The following DSTYK variants were observed in gnomAD, a reference collection of about 807,000 sequenced individuals.
DSTYK encodes RIP-homologous kinase.
Under a neutral mutation model 98.7 loss-of-function variants are expected in DSTYK, and 34 were observed. The observed-to-expected ratio is 0.34, with a 90% CI of 0.26 to 0.46. DSTYK has a LOEUF of 0.46. DSTYK is among the 20% of genes least tolerant of loss of function. DSTYK has a pLI of 1.00. For synonymous variants in DSTYK, 462 were observed against 457.3 expected (o/e 1.01, Z -0.13); for missense variants, 962 against 1,181.7 (o/e 0.81, Z 2.73).
At chr1:205,148,675 G>A (rs910527512) in intron 11 of DSTYK, among the ~76,000 whole-genome samples, 4 of 152,168 alleles carry the variant, frequency 2.6e-5, no homozygotes, top group Admixed American at 1.3e-4. Flanking sequence ...ATACAGGTGG[G>A]TAGGTATGTT....
intron 10 of DSTYK, among the ~76,000 whole-genome samples, chr1:205,154,054 C>T (rs1287584159): frequency 2.5e-5 from 2 of 78,450 alleles, no homozygotes; most frequent in Non-Finnish European, 6.2e-5. Flanking sequence ...AAAGTATGCA[C>T]ACGTGTGTGT....
intron 2 of DSTYK, among the ~76,000 whole-genome samples, chr1:205,170,933 G>T (rs1401865904): frequency 6.6e-6 from 1 of 151,368 alleles, no homozygotes; most frequent in Admixed American, 6.6e-5. Context: ...CACTAAAGAT[G>T]ATGACACCAA....
In DSTYK at chr1:205,150,302, T is replaced by C. The variant is rs560642682; in HGVS notation, c.2467+378A>G. Among the ~76,000 whole-genome samples, 51 of 152,286 alleles carry C rather than the reference T, an allele frequency of 3.3e-4. No individual in the cohort carries two copies. Among genetic ancestry groups the C allele is most frequent in the African/African-American group, 1.2e-3 (50 of 41,550 alleles). The stretch of plus-strand genomic sequence containing the variant: ...ATTTAGCACTTAATCATACGTTGTG[T>C]TGTACTGCTTCCTATTTTACCTCTT... On this transcript the variant is annotated intron_variant, in intron 11 of 12. Transcript: ENST00000367162. The surrounding 1 kb of genome is among the most constrained non-coding windows in gnomAD (Gnocchi z 4.1).
rs926614361 is a variant in DSTYK, at chr1:205,169,389, G to A, written c.1098C>T (p.His366=). Reference sequence around the variant, plus strand: ...TAATAAAGATGTCAAGGCAGTGGCAGTGCACCAGGTTCAGGGCCTTGGCTG... The same window carrying A: ...TAATAAAGATGTCAAGGCAGTGGCAATGCACCAGGTTCAGGGCCTTGGCTG... ...VDAAKALNLV[H]CHCLDIFINQ... is the part of the protein sequence containing the mutation. Residue 366 remains histidine (H), a synonymous_variant, in exon 3 of 13, where the codon CAC becomes CAT. Coordinates refer to ENST00000367162, the MANE Select transcript of DSTYK (RefSeq NM_015375.3). This position sits in a 1 kb window ranked among gnomAD's most constrained non-coding sequence, Gnocchi z 4.0. 3 of 1,614,080 alleles carry A rather than the reference G, an allele frequency of 1.9e-6. No individual in the cohort carries two copies. Among genetic ancestry groups the A allele is most frequent in the Middle Eastern group, 1.6e-4 (1 of 6,084 alleles).
chr1:205,207,755 CAAAAAAAAAAAAAAAAAAAAAAAAAAAAA>C (rs766036213), intron 1 of DSTYK, among the ~76,000 whole-genome samples: 1 of 52,728 alleles, frequency 1.9e-5, no homozygotes, highest in Non-Finnish European at 3.1e-5. Context: ...GACTCTGTCT[CAAAAAAAAAAAAAAAAAAAAAAAAAAAAA>C]AAAAAAAAAG....
intron 1 of DSTYK, chr1:205,202,557 T>C (rs1659074040): frequency 1.0e-6 from 1 of 956,568 alleles, no homozygotes; most frequent in Non-Finnish European, 1.7e-6. Flanking sequence ...ACAAAGCACC[T>C]AAGATGCGCC....
intron 1 of DSTYK, among the ~76,000 whole-genome samples, chr1:205,190,656 C>G (rs1322939860): frequency 6.7e-6 from 1 of 149,836 alleles, no homozygotes; most frequent in East Asian, 2.0e-4. Context: ...TAGGACCCTT[C>G]CATTCATCTT....
At chr1:205,198,991 T>C (rs1053977641) in intron 1 of DSTYK, among the ~76,000 whole-genome samples, 13 of 152,116 alleles carry the variant, frequency 8.5e-5, no homozygotes, top group African/African-American at 3.1e-4. Context: ...GAAACTAAAG[T>C]TAGACACTTT....
intron 1 of DSTYK, among the ~76,000 whole-genome samples, chr1:205,206,631 G>A (rs1659212010): frequency 7.2e-6 from 1 of 139,168 alleles, no homozygotes; most frequent in African/African-American, 2.7e-5. Flanking sequence ...CGCCCAGGCT[G>A]GAGCACAGTG....
rs370760844 is a variant in DSTYK at position 205,169,555 on chromosome 1, C to G, written c.932G>C (p.Gly311Ala). 1 of 1,614,046 alleles carries G rather than the reference C, an allele frequency of 6.2e-7. No individual in the cohort carries two copies. Among genetic ancestry groups the G allele is most frequent in the Non-Finnish European group, 8.5e-7 (1 of 1,180,034 alleles). The change falls in exon 3 of 13, where the codon GGC becomes GCC. Residue 311 changes from glycine (G) to alanine (A), a missense_variant. Physicochemically the swap from Gly to Ala is moderately conservative, Grantham distance 60 (BLOSUM62 0). Around this residue, in one of 4 missense-constraint regions of DSTYK, gnomAD observed 660 missense variants for 855.0 expected, o/e 0.77. Coordinates refer to ENST00000367162, the MANE Select transcript of DSTYK (RefSeq NM_015375.3). The surrounding 1 kb of genome is among the most constrained non-coding windows in gnomAD (Gnocchi z 4.0). ...GTTCCAGTGACTGCTGCTCAGATAGCCCAGGTCAATTAGCTGGCGATAAAG... is the reference window on the plus strand; with the variant it reads ...GTTCCAGTGACTGCTGCTCAGATAGGCCAGGTCAATTAGCTGGCGATAAAG... Reference protein sequence around the residue: ...SPLYRQLIDLGYLSSSHWNCG... With the variant: ...SPLYRQLIDLAYLSSSHWNCG...
rs989962497 is a variant in DSTYK, at chr1:205,207,786, A to G, written c.265+3485T>C. 7.0e-5 allele frequency among the ~76,000 whole-genome samples: 10 copies of G among 143,420 alleles called. 1 individual carries two copies. The highest frequency in any genetic ancestry group is 2.0e-4 in the East Asian group (1 of 4,908). The allele number at this position is 143,420 out of a possible 152,430, so 94.1% of individuals were successfully genotyped here. On this transcript the variant is annotated intron_variant, in intron 1 of 12. Transcript: ENST00000367162. ...AAAAAAAAAAAAAAAAAAAAAAAAAAAAAAAAAGAAAAAAAATACTTTTCC... is the reference window on the plus strand; with the variant it reads ...AAAAAAAAAAAAAAAAAAAAAAAAAGAAAAAAAGAAAAAAAATACTTTTCC...
Position 205,159,647 on chromosome 1 carries a change from A to G in DSTYK, c.2138T>C (p.Leu713Pro). ...SLPKHERLVD[L>P]HGSVIDYNYG... ...GTTGTAGTCAATGACTGAACCATGGAGATCCACCAATCGCTCATGCTTCGG... is the reference window on the plus strand; with the variant it reads ...GTTGTAGTCAATGACTGAACCATGGGGATCCACCAATCGCTCATGCTTCGG... Residue 713 changes from leucine (L) to proline (P), a missense_variant, in exon 9 of 13, where the codon CTC (leucine) becomes CCC (proline). Coordinates refer to ENST00000367162, the MANE Select transcript of DSTYK (RefSeq NM_015375.3). The G allele has an allele frequency of 6.2e-7, 1 of 1,613,792 alleles. No homozygotes were observed. Among genetic ancestry groups the G allele is most frequent in the Non-Finnish European group, 8.5e-7 (1 of 1,179,986 alleles).
At chr1:205,155,765 T>A (rs1657540737) in intron 10 of DSTYK, among the ~76,000 whole-genome samples, 1 of 152,164 alleles carries the variant, frequency 6.6e-6, no homozygotes, top group South Asian at 2.1e-4. Flanking sequence ...GAGCTGAATA[T>A]TAACCAGCAA....
chr1:205,200,323 C>A (rs1314911248), intron 1 of DSTYK, among the ~76,000 whole-genome samples: 1 of 148,810 alleles, frequency 6.7e-6, no homozygotes, highest in East Asian at 2.0e-4. Flanking sequence ...TAGGCATGAG[C>A]TACCACACCC....
rs1406185848 is a variant in DSTYK at position 205,187,666 on chromosome 1, C to G, written c.406G>C (p.Val136Leu). 2 of 1,614,066 alleles carry G rather than the reference C, an allele frequency of 1.2e-6. No individual in the cohort carries two copies. The highest frequency in any genetic ancestry group is 2.7e-5 in the African/African-American group (2 of 74,932). Residue 136 changes from valine (V) to leucine (L), a missense_variant, in exon 2 of 13, where the codon GTG becomes CTG. By Grantham distance (32) the Val-to-Leu change is conservative (BLOSUM62 1). Coordinates refer to ENST00000367162, the MANE Select transcript of DSTYK (RefSeq NM_015375.3). ...CTGCCCAGCTTGGTGGTGGGAAGCA[C>G]CTGCACCCCCAACAGCAGATTCAAC... Reference protein sequence around the residue: ...QLLNLLLGVQVLPTTKLGSEE... With the variant: ...QLLNLLLGVQLLPTTKLGSEE...
At position 205,148,230 on chromosome 1, in the gene DSTYK, G is replaced by T. The variant is rs1280018637; in HGVS notation, c.2577C>A (p.Asp859Glu). ...PEAFERCASK[D>E]HLWNNVRRGA... ...CCCTCCGCACATTGTTCCAGAGATG[G>T]TCTTTGCTAGCACACCTCTCAAATG... Residue 859 changes from aspartate to glutamate, a missense_variant, in exon 12 of 13, where the codon GAC (aspartate) becomes GAA (glutamate). Coordinates refer to ENST00000367162, the MANE Select transcript of DSTYK (RefSeq NM_015375.3). The T allele has an allele frequency of 2.5e-6, 4 of 1,613,974 alleles. No individual in the cohort carries two copies. The highest frequency in any genetic ancestry group is 1.1e-5 in the South Asian group (1 of 91,072).
intron 2 of DSTYK, among the ~76,000 whole-genome samples, chr1:205,185,886 G>A (rs1658547003): frequency 6.6e-6 from 1 of 152,092 alleles, no homozygotes; most frequent in Non-Finnish European, 1.5e-5. Context: ...AGCCAGGTGT[G>A]GTGGCGGGTG....
At chr1:205,197,311 G>A (rs1658897311) in intron 1 of DSTYK, among the ~76,000 whole-genome samples, 2 of 152,030 alleles carry the variant, frequency 1.3e-5, no homozygotes, top group South Asian at 2.1e-4. Flanking sequence ...TAGAGGAGAT[G>A]AGAAAACCTA....
Position 205,147,471 on chromosome 1 carries a change from A to G in DSTYK, c.*87T>C. On this transcript the variant is annotated 3_prime_UTR_variant, in exon 13 of 13. Transcript: ENST00000367162. ...ACCAGTTCCCTTGGGAGTGTGTCCT[A>G]TAGTGAATAAATGTCAAATTCTCCC... is the stretch of plus-strand genomic sequence containing the variant. 1 of 1,447,124 alleles carries G rather than the reference A, an allele frequency of 6.9e-7. No homozygotes were observed. Among genetic ancestry groups the G allele is most frequent in the Non-Finnish European group, 9.5e-7 (1 of 1,054,132 alleles). 89.6% of individuals were successfully genotyped at this position (1,447,124 alleles called of 1,614,324 possible). A position where few individuals can be genotyped will look rare whatever the true frequency, so the allele number is the denominator to read the frequency against.
Sources: gnomAD v4.1 joint callset for allele counts (sites outside exome capture counted in the v4.1 genomes callset) on GRCh38, gnomAD v4.1.1 for gene constraint, gnomAD v4.1.1 regional missense constraint, Gnocchi (gnomAD v3.1) non-coding constraint, MANE v1.5 for transcripts, NCBI Gene and HGNC (gene_info 2026-07-23, HGNC 2026-07-21) for gene names.